The following MAP2K5 variants were observed in gnomAD, a reference collection of about 807,000 sequenced individuals.
The protein encoded by MAP2K5 is dual specificity mitogen-activated protein kinase kinase 5.
In MAP2K5, 49 loss-of-function variants were observed where a neutral mutation model predicts 83.1. The ratio of observed to expected loss-of-function variants is 0.59; its 90% CI spans 0.47 to 0.75. The LOEUF is 0.75. Ranked by LOEUF, MAP2K5 falls within the 30% of genes least tolerant of loss-of-function variation. MAP2K5 has a pLI of 0.00. For synonymous variants in MAP2K5, 202 were observed against 191.8 expected, an observed-to-expected ratio of 1.05 and a Z score of -0.44; for missense variants, 457 against 557.5, an observed-to-expected ratio of 0.82 and a Z score of 1.82.
At chr15:67,584,106 A>G (rs1465925922) in intron 4 of MAP2K5, among the ~76,000 whole-genome samples, 1 of 152,182 alleles carries the variant, frequency 6.6e-6, no homozygotes, top group Non-Finnish European at 1.5e-5. Context: ...TGCCTTGGAT[A>G]GTAACTCCCA....
At chr15:67,585,117 C>T (rs1045859063) in intron 4 of MAP2K5, among the ~76,000 whole-genome samples, 14 of 138,934 alleles carry the variant, frequency 1.0e-4, no homozygotes, top group Middle Eastern at 3.6e-3. Flanking sequence ...CGTCCCCAAA[C>T]AATCAATCAA....
At chr15:67,599,203 A>G (rs2085596488) in intron 7 of MAP2K5, among the ~76,000 whole-genome samples, 1 of 152,198 alleles carries the variant, frequency 6.6e-6, no homozygotes, top group Admixed American at 6.5e-5. Context: ...CTGTATTAGT[A>G]GTATAAAGGT....
At chr15:67,806,101 A>T (rs542759906) in intron 21 of MAP2K5, among the ~76,000 whole-genome samples, 9 of 152,086 alleles carry the variant, frequency 5.9e-5, no homozygotes, top group Non-Finnish European at 1.2e-4. Context: ...AGCCCAGCAC[A>T]TTCCTCCCCC....
chr15:67,569,021 A>AAAAAAAAAAAAC (rs2084900251), intron 3 of MAP2K5, among the ~76,000 whole-genome samples: 2 of 135,118 alleles, frequency 1.5e-5, no homozygotes, highest in African/African-American at 5.7e-5. Flanking sequence ...AAAAAAAAAC[A>AAAAAAAAAAAAC]AAAAAAAAAA....
At position 67,623,685 on chromosome 15, in the gene MAP2K5, C is replaced by T. The variant is rs148575377; in HGVS notation, c.546-7203C>T. On this transcript the variant is annotated intron_variant, in intron 8 of 21. Transcript: ENST00000178640. ...TGATCTCGGCTCATCGTAACCTCCA[C>T]CTCCTGGGTTCAAATGATTCTCCTG... 2.8e-3 allele frequency among the ~76,000 whole-genome samples: 414 copies of T among 150,460 alleles called. 1 individual carries two copies. Among genetic ancestry groups the T allele is most frequent in the Middle Eastern group, 6.9e-3 (2 of 290 alleles).
chr15:67,630,796 T>C, intron 8 of MAP2K5, 92 bp from the exon 9 acceptor site: 1 of 846,348 alleles, frequency 1.2e-6, no homozygotes, highest in Admixed American at 2.1e-5. Flanking sequence ...ATCCCACTGC[T>C]GCAGAAATGT....
chr15:67,634,724 A>T (rs1465184303), intron 9 of MAP2K5, among the ~76,000 whole-genome samples: 2 of 152,070 alleles, frequency 1.3e-5, no homozygotes, highest in African/African-American at 4.8e-5. Context: ...ATAGTCTGAT[A>T]TTAAATTCTA....
At chr15:67,568,375 A>G (rs1249269331) in intron 3 of MAP2K5, among the ~76,000 whole-genome samples, 1 of 152,250 alleles carries the variant, frequency 6.6e-6, no homozygotes, top group Non-Finnish European at 1.5e-5. Flanking sequence ...CCTAATATAC[A>G]TAACTTGGAC....
rs1240590794 is a variant in MAP2K5 at position 67,698,699 on chromosome 15, T to C, written c.973-4638T>C. On this transcript the variant is annotated intron_variant, in intron 15 of 21. Coordinates refer to ENST00000178640, the MANE Select transcript of MAP2K5 (RefSeq NM_145160.3). This position sits in a 1 kb window ranked among gnomAD's most constrained non-coding sequence, Gnocchi z 4.5. ...AAGTCAATCTAAATAACCATTCTTA[T>C]CTCTAGAACATTTTTTTCTGCCCAA... 6.6e-6 allele frequency among the ~76,000 whole-genome samples: 1 copy of C among 152,222 alleles called. No individual in the cohort carries two copies. Among genetic ancestry groups the C allele is most frequent in the East Asian group, 1.9e-4 (1 of 5,202 alleles).
rs376311262 is a variant in MAP2K5, at chr15:67,604,662, C to T, written c.545+3913C>T. 1.2e-4 allele frequency among the ~76,000 whole-genome samples: 19 copies of T among 152,016 alleles called. No homozygotes were observed. The East Asian group carries it at 1.4e-3, about 11-fold the overall frequency. On this transcript the variant is annotated intron_variant, in intron 8 of 21. Transcript: ENST00000178640. ...CTGTAATCCCAGCACTTTGGGAGGC[C>T]GAGGCAGGTGGATCACGAGGTCAAG...
chr15:67,564,685 G>C (rs1489411452), intron 3 of MAP2K5, among the ~76,000 whole-genome samples: 1 of 152,218 alleles, frequency 6.6e-6, no homozygotes, highest in East Asian at 1.9e-4. Context: ...TTGAAAGGCA[G>C]AGTAGGATTG....
chr15:67,552,193 T>C lies in MAP2K5; in HGVS notation c.184+2111T>C, dbSNP rs1241901831. On this transcript the variant is annotated intron_variant, in intron 2 of 21. Coordinates refer to ENST00000178640, the MANE Select transcript of MAP2K5 (RefSeq NM_145160.3). This position sits in a 1 kb window ranked among gnomAD's most constrained non-coding sequence, Gnocchi z 4.2. ...AAAAGCTATAATGAGTAGAACTCAA[T>C]GTAATTAGTATTTTATTAGTCACAT... is the stretch of plus-strand genomic sequence containing the variant. Among the ~76,000 whole-genome samples the C allele has an allele frequency of 6.6e-6, 1 of 152,262 alleles. No homozygotes were observed. The highest frequency in any genetic ancestry group is 6.5e-5 in the Admixed American group (1 of 15,292).
chr15:67,628,814 T>G, intron 8 of MAP2K5: 1 of 750,528 alleles, frequency 1.3e-6, no homozygotes, highest in Non-Finnish European at 2.4e-6. Flanking sequence ...GAATGACAAT[T>G]TTGGTCATGG....
intron 1 of MAP2K5, among the ~76,000 whole-genome samples, chr15:67,549,408 T>C (rs1372483713): frequency 6.6e-5 from 10 of 152,234 alleles, no homozygotes; most frequent in Admixed American, 4.6e-4. Context: ...GAACTGTTTG[T>C]GTTAAATGTG....
In MAP2K5 at chr15:67,677,595, G is replaced by A. The variant is rs999909373; in HGVS notation, c.847+12950G>A. Among the ~76,000 whole-genome samples the A allele has an allele frequency of 3.3e-5, 5 of 152,178 alleles. No homozygotes were observed. The highest frequency in any genetic ancestry group is 6.5e-5 in the Admixed American group (1 of 15,272). On this transcript the variant is annotated intron_variant, in intron 13 of 21. Transcript: ENST00000178640. The surrounding 1 kb of genome is among the most constrained non-coding windows in gnomAD (Gnocchi z 4.2). ...TTTTCTTTCCTTTTTCCCCAAAAAT[G>A]TTTTATAGTCAAGAGGAGTCTTAAC...
At chr15:67,664,683 G>T in intron 13 of MAP2K5, 38 bp downstream of exon 13, 1 of 1,440,842 alleles carries the variant, frequency 6.9e-7, no homozygotes, top group Non-Finnish European at 9.7e-7. Context: ...TTAATTTGGG[G>T]TGGGGTTGGG....
At position 67,693,357 on chromosome 15, in the gene MAP2K5, G is replaced by T. The variant is rs577408034; in HGVS notation, c.922-161G>T. Among the ~76,000 whole-genome samples, 48 of 150,392 alleles carry T rather than the reference G, an allele frequency of 3.2e-4. 1 individual carries two copies. In the South Asian group the frequency reaches 9.4e-3, roughly 29 times the overall value. The stretch of plus-strand genomic sequence containing the variant: ...GAAATCACATTCAAAAGAAAAGAGA[G>T]ATTTAATCATTTTTATTGCCTTTGT... On this transcript the variant is annotated intron_variant, in intron 14 of 21. Coordinates refer to ENST00000178640, the MANE Select transcript of MAP2K5 (RefSeq NM_145160.3).
chr15:67,685,631 G>T (rs891573049), intron 13 of MAP2K5, among the ~76,000 whole-genome samples: 2 of 152,156 alleles, frequency 1.3e-5, no homozygotes, highest in African/African-American at 4.8e-5. Context: ...GAAGAAAGAT[G>T]TATGAAAATA....
At chr15:67,697,391 G>T (rs1442741177) in intron 15 of MAP2K5, among the ~76,000 whole-genome samples, 1 of 152,140 alleles carries the variant, frequency 6.6e-6, no homozygotes, top group Non-Finnish European at 1.5e-5. Flanking sequence ...TGAAGCAAGA[G>T]AAGCTAAGTG....
Sources: allele counts gnomAD v4.1 joint callset (sites outside exome capture counted in the v4.1 genomes callset), GRCh38; gene constraint gnomAD v4.1.1; non-coding constraint Gnocchi (gnomAD v3.1); transcripts MANE v1.5; gene names NCBI Gene and HGNC (gene_info 2026-07-23, HGNC 2026-07-21).